The following NKAIN3 variants were observed in gnomAD, a reference collection of about 807,000 sequenced individuals.
The protein encoded by NKAIN3 is sodium/potassium-transporting ATPase subunit beta-1-interacting protein 3.
NKAIN3 carries 25 observed loss-of-function variants against 30.2 expected under a neutral mutation model. The observed-to-expected ratio is 0.83, with a 90% CI of 0.60 to 1.16. The LOEUF is 1.16. NKAIN3 is among the 50% of genes most tolerant of loss of function. The probability of loss-of-function intolerance (pLI) is 0.00; values close to 1 mark genes in which losing one functional copy is unlikely to be tolerated. For missense variants in NKAIN3, 225 were observed against 254.1 expected (o/e 0.89, Z 0.78); for synonymous variants, 91 against 89.6 (o/e 1.02, Z -0.09).
At chr8:62,380,405 A>C (rs1330489903) in intron 1 of NKAIN3, among the ~76,000 whole-genome samples, 1 of 152,114 alleles carries the variant, frequency 6.6e-6, no homozygotes, top group Non-Finnish European at 1.5e-5. Flanking sequence ...TCTTTCTCCT[A>C]TCAGATGCCA....
At chr8:62,866,890 CAAAA>C (rs59832626) in intron 4 of NKAIN3, among the ~76,000 whole-genome samples, 2,051 of 125,878 alleles carry the variant, frequency 0.016, 59 homozygotes, top group African/African-American at 0.053. Context: ...ACTAAAAATA[CAAAA>C]AAAAAAAAAA....
At chr8:62,913,726 C>T (rs1410922634) in intron 4 of NKAIN3, among the ~76,000 whole-genome samples, 1 of 152,166 alleles carries the variant, frequency 6.6e-6, no homozygotes, top group East Asian at 1.9e-4. Flanking sequence ...GCAGAGTTGA[C>T]AGGTGTCCTC....
chr8:62,709,728 G>T (rs1486031717), intron 3 of NKAIN3, among the ~76,000 whole-genome samples: 1 of 151,808 alleles, frequency 6.6e-6, no homozygotes, highest in African/African-American at 2.4e-5. Flanking sequence ...ATTTAGTTCT[G>T]CTCTGATCTT....
chr8:62,392,212 A>G (rs13269429), intron 1 of NKAIN3, among the ~76,000 whole-genome samples: 89,902 of 151,876 alleles, frequency 0.59, 28,042 homozygotes, highest in East Asian at 0.68. Flanking sequence ...ACTCTGAGTA[A>G]GAGTTAAGTG....
intron 1 of NKAIN3, among the ~76,000 whole-genome samples, chr8:62,578,476 G>T (rs1166798968): frequency 1.3e-5 from 2 of 152,000 alleles, no homozygotes; most frequent in South Asian, 2.1e-4. Flanking sequence ...ATTCAAGGGG[G>T]TTAACTCTAG....
At chr8:62,850,598 T>G (rs896107827) in intron 4 of NKAIN3, among the ~76,000 whole-genome samples, 22 of 152,160 alleles carry the variant, frequency 1.4e-4, no homozygotes, top group African/African-American at 2.9e-4. Context: ...GGTCTAACAT[T>G]TAAGTCTATA....
chr8:62,920,626 T>G (rs1822250431), intron 5 of NKAIN3, among the ~76,000 whole-genome samples: 2 of 152,208 alleles, frequency 1.3e-5, no homozygotes, highest in Admixed American at 1.3e-4. Flanking sequence ...TATAGAAATC[T>G]CTGAATCAGC....
chr8:62,840,270 G>A (rs929860061), intron 4 of NKAIN3, among the ~76,000 whole-genome samples: 2 of 151,612 alleles, frequency 1.3e-5, no homozygotes, highest in Non-Finnish European at 2.9e-5. Context: ...ACCTGGTCAT[G>A]TACTTAGTGT....
intron 4 of NKAIN3, among the ~76,000 whole-genome samples, chr8:62,769,996 G>C (rs745612765): frequency 6.6e-5 from 10 of 152,194 alleles, no homozygotes. Flanking sequence ...TCTTGAGTGT[G>C]AGTAGCATCT....
Position 62,713,121 on chromosome 8 carries a change from G to A in NKAIN3, c.274-33811G>A. Among the ~76,000 whole-genome samples the A allele has an allele frequency of 1.3e-5, 2 of 152,166 alleles. 1 individual carries two copies. The highest frequency in any genetic ancestry group is 2.9e-5 in the Non-Finnish European group (2 of 68,034). Reference sequence around the variant, plus strand: ...AGGAGCAGTCTGCTTCCTTCAGAGGGTCTATGGGTCCTTTTGGGATTGCTT... The same window carrying A: ...AGGAGCAGTCTGCTTCCTTCAGAGGATCTATGGGTCCTTTTGGGATTGCTT... On this transcript the variant is annotated intron_variant, in intron 3 of 6. Transcript: ENST00000623646.
intron 1 of NKAIN3, among the ~76,000 whole-genome samples, chr8:62,456,675 T>G (rs1461410797): frequency 6.6e-6 from 1 of 152,234 alleles, no homozygotes; most frequent in Non-Finnish European, 1.5e-5. Context: ...AGCAGCAAGA[T>G]GTAGATACAG....
intron 1 of NKAIN3, among the ~76,000 whole-genome samples, chr8:62,563,423 G>A (rs1218501743): frequency 1.3e-5 from 2 of 152,054 alleles, no homozygotes; most frequent in South Asian, 2.1e-4. Flanking sequence ...TATAAGAGAA[G>A]GAATGAGAGT....
At chr8:62,868,597 C>T (rs370555439) in intron 4 of NKAIN3, among the ~76,000 whole-genome samples, 1 of 152,168 alleles carries the variant, frequency 6.6e-6, no homozygotes, top group African/African-American at 2.4e-5. Context: ...GAATAGTCGG[C>T]CCTGTGCTTT....
chr8:62,825,064 A>G (rs900132417), intron 4 of NKAIN3, among the ~76,000 whole-genome samples: 1 of 152,224 alleles, frequency 6.6e-6, no homozygotes, highest in African/African-American at 2.4e-5. Context: ...ATTTCAGCAA[A>G]GAAAGCAAAG....
chr8:62,634,338 CCCTAATT>C (rs556631196), intron 3 of NKAIN3, among the ~76,000 whole-genome samples: 47 of 152,242 alleles, frequency 3.1e-4, no homozygotes, highest in Non-Finnish European at 1.3e-4. Context: ...CCATATCCCT[CCCTAATT>C]CCTGTTTTCC....
At position 62,973,633 on chromosome 8, in the gene NKAIN3, T is replaced by C. The variant is rs1178915439; in HGVS notation, c.*8226T>C. Among the ~76,000 whole-genome samples the C allele has an allele frequency of 6.6e-6, 1 of 152,282 alleles. No individual in the cohort carries two copies. The highest frequency in any genetic ancestry group is 1.9e-4 in the East Asian group (1 of 5,182). Reference sequence around the variant, plus strand: ...GTAGGTTGCCTGTTCACTCTGATAATAGTTTCTTTTGCTGCACAGAAGCTC... The same window carrying C: ...GTAGGTTGCCTGTTCACTCTGATAACAGTTTCTTTTGCTGCACAGAAGCTC... On this transcript the variant is annotated 3_prime_UTR_variant, in exon 7 of 7. Coordinates refer to ENST00000623646, the MANE Select transcript of NKAIN3 (RefSeq NM_001304533.3).
At position 62,794,307 on chromosome 8, in the gene NKAIN3, C is replaced by T. The variant is rs17179995; in HGVS notation, c.471+47178C>T. On this transcript the variant is annotated intron_variant, in intron 4 of 6. Coordinates refer to ENST00000623646, the MANE Select transcript of NKAIN3 (RefSeq NM_001304533.3). ...AATAAATATCAAATAAATCATGAGACAAATGTCATAGACAACTCCTTTTTC... is the reference window on the plus strand; with the variant it reads ...AATAAATATCAAATAAATCATGAGATAAATGTCATAGACAACTCCTTTTTC... 5.8e-3 allele frequency among the ~76,000 whole-genome samples: 887 copies of T among 152,250 alleles called. 11 individuals carry two copies. Among genetic ancestry groups the T allele is most frequent in the Non-Finnish European group, 5.3e-3 (361 of 68,022 alleles).
intron 4 of NKAIN3, among the ~76,000 whole-genome samples, chr8:62,831,722 A>T (rs985798284): frequency 3.9e-5 from 6 of 152,190 alleles, no homozygotes; most frequent in African/African-American, 7.2e-5. Context: ...GAAATATGGG[A>T]TTATGTAAAG....
intron 4 of NKAIN3, among the ~76,000 whole-genome samples, chr8:62,821,991 G>C (rs972473740): frequency 2.0e-5 from 3 of 151,928 alleles, no homozygotes; most frequent in Non-Finnish European, 4.4e-5. Context: ...TTTATAGAGG[G>C]TGATGGGCAA....
Sources: gnomAD v4.1 joint callset for allele counts (sites outside exome capture counted in the v4.1 genomes callset) on GRCh38, gnomAD v4.1.1 for gene constraint, MANE v1.5 for transcripts, NCBI Gene and HGNC (gene_info 2026-07-23, HGNC 2026-07-21) for gene names.